Variants in CMTM8 observed in about 807,000 individuals in gnomAD.
CMTM8 encodes the protein CKLF like MARVEL transmembrane domain containing 8.
A neutral mutation model predicts 18.6 loss-of-function variants in CMTM8; 12 were observed. That is an observed-to-expected ratio of 0.65 (90% CI 0.41 to 1.05). CMTM8 has a LOEUF of 1.05. Among genes scored for constraint, CMTM8 ranks in the 50% least tolerant of loss-of-function variants. The probability of loss-of-function intolerance (pLI) is 0.00; values close to 1 mark genes in which losing one functional copy is unlikely to be tolerated. For synonymous variants in CMTM8, 87 were observed against 90.6 expected (o/e 0.96, Z 0.23); for missense variants, 217 against 227.2 (o/e 0.95, Z 0.29).
In CMTM8 at chr3:32,357,922, C is replaced by T. The variant is rs139357517; in HGVS notation, c.321+376C>T. 2.6e-3 allele frequency among the ~76,000 whole-genome samples: 392 copies of T among 152,324 alleles called. 9 individuals carry two copies. The highest frequency in any genetic ancestry group is 0.018 in the Admixed American group (272 of 15,306). On this transcript the variant is annotated intron_variant, in intron 2 of 3. Transcript: ENST00000307526. ...TGCAGATCGTGCTTCCTATAAACCT[C>T]TCCTGGGGCTGTGGCCTTAACCCTT... is the stretch of plus-strand genomic sequence containing the variant.
chr3:32,369,194 A>G (rs182431668), intron 3 of CMTM8, among the ~76,000 whole-genome samples: 12 of 152,126 alleles, frequency 7.9e-5, no homozygotes, highest in South Asian at 6.2e-4. Flanking sequence ...GGCACCTGTA[A>G]TCCCAGCTAC....
intron 1 of CMTM8, among the ~76,000 whole-genome samples, chr3:32,256,310 G>A (rs1474187750): frequency 6.6e-6 from 1 of 151,976 alleles, no homozygotes; most frequent in Admixed American, 6.6e-5. Context: ...GCTCAAGGAA[G>A]CCTTCTGCCT....
Position 32,370,000 on chromosome 3 carries a change from A to AG in CMTM8, c.*35dup, listed in dbSNP as rs1189040312. On this transcript the variant is annotated 3_prime_UTR_variant, in exon 4 of 4. Coordinates refer to ENST00000307526, the MANE Select transcript of CMTM8 (RefSeq NM_178868.5). ...TTTTGATAATTAAAAGGAAAAAAAAAGGAAGACTCTCACTGTAAAAACAGC... is the reference window on the plus strand; with the variant it reads ...TTTTGATAATTAAAAGGAAAAAAAAAGGGAAGACTCTCACTGTAAAAACAGC... 1.5e-6 allele frequency: 2 copies of AG among 1,316,298 alleles called. No homozygotes were observed. Among genetic ancestry groups the AG allele is most frequent in the African/African-American group, 2.9e-5 (2 of 69,266 alleles). 81.5% of individuals were successfully genotyped at this position (1,316,298 alleles called of 1,614,324 possible). A position where few individuals can be genotyped will look rare whatever the true frequency, so the allele number is the denominator to read the frequency against.
rs58156524 is a variant in CMTM8, at chr3:32,249,030, C to CTTTTTTTT, written c.147+9932_147+9939dup. 4.3e-4 allele frequency among the ~76,000 whole-genome samples: 27 copies of CTTTTTTTT among 62,456 alleles called. 2 individuals carry two copies. Among genetic ancestry groups the CTTTTTTTT allele is most frequent in the African/African-American group, 7.5e-4 (11 of 14,620 alleles). 41.0% of individuals were successfully genotyped at this position (62,456 alleles called of 152,430 possible). A position where few individuals can be genotyped will look rare whatever the true frequency, so the allele number is the denominator to read the frequency against. On this transcript the variant is annotated intron_variant, in intron 1 of 3. Coordinates refer to ENST00000307526, the MANE Select transcript of CMTM8 (RefSeq NM_178868.5). ...ATGGAGTTACTGGGTAATGTGGAAT[C>CTTTTTTTT]TTTTTTTTTTTTTTTTTTTTTTTTT...
chr3:32,251,549 A>T (rs1269937350), intron 1 of CMTM8, among the ~76,000 whole-genome samples: 1 of 151,938 alleles, frequency 6.6e-6, no homozygotes, highest in East Asian at 1.9e-4. Context: ...CCTGGGCTCA[A>T]GCAGTCCACC....
At chr3:32,283,189 A>G (rs942365521) in intron 1 of CMTM8, among the ~76,000 whole-genome samples, 7 of 152,226 alleles carry the variant, frequency 4.6e-5, no homozygotes, top group African/African-American at 1.7e-4. Context: ...GGGGAGCATG[A>G]TAATGAAAAA....
At chr3:32,333,154 G>A (rs1409747034) in intron 1 of CMTM8, among the ~76,000 whole-genome samples, 1 of 152,224 alleles carries the variant, frequency 6.6e-6, no homozygotes, top group Non-Finnish European at 1.5e-5. Flanking sequence ...ATGCAAATGA[G>A]TGAGCATGGC....
intron 1 of CMTM8, among the ~76,000 whole-genome samples, chr3:32,296,916 A>G (rs1010381520): frequency 5.9e-5 from 9 of 151,986 alleles, no homozygotes; most frequent in African/African-American, 1.9e-4. Context: ...GCCGTCCACC[A>G]TGACCTCCAC....
At chr3:32,256,477 A>G (rs1702175693) in intron 1 of CMTM8, among the ~76,000 whole-genome samples, 1 of 152,100 alleles carries the variant, frequency 6.6e-6, no homozygotes. Context: ...GCATTCCCAC[A>G]GACTTCGTTA....
intron 1 of CMTM8, among the ~76,000 whole-genome samples, chr3:32,289,202 G>T (rs1200367630): frequency 6.6e-6 from 1 of 152,174 alleles, no homozygotes; most frequent in East Asian, 1.9e-4. Flanking sequence ...AACGATAACG[G>T]ATCTAATTTT....
At chr3:32,345,984 G>A (rs144141216) in intron 1 of CMTM8, among the ~76,000 whole-genome samples, 7,940 of 152,138 alleles carry the variant, frequency 0.052, 271 homozygotes, top group East Asian at 0.14. Flanking sequence ...GTGAAACTCC[G>A]TCTCTACTAA....
At chr3:32,331,147 C>T (rs191863107) in intron 1 of CMTM8, among the ~76,000 whole-genome samples, 102 of 152,166 alleles carry the variant, frequency 6.7e-4, no homozygotes, top group African/African-American at 2.2e-3. Flanking sequence ...AATGTAAAAA[C>T]GGGGAAAGGA....
At chr3:32,263,229 A>T (rs11710859) in intron 1 of CMTM8, among the ~76,000 whole-genome samples, 1 of 152,168 alleles carries the variant, frequency 6.6e-6, no homozygotes, top group South Asian at 2.1e-4. Context: ...CACCTCACAC[A>T]GCTGGGTACC....
chr3:32,239,110 G>T lies in CMTM8; in HGVS notation c.138G>T (p.Val46=), dbSNP rs770693200. The T allele has an allele frequency of 6.3e-7, 1 of 1,598,978 alleles. No homozygotes were observed. The highest frequency in any genetic ancestry group is 8.5e-7 in the Non-Finnish European group (1 of 1,173,538). ...GCACCCTGCCCGGCTTCCTCATCGT[G>T]GCCGAGATCGTGAGTGCCGACGGGC... ...FLRTLPGFLI[V]AEIVLGLLVW... is the part of the protein sequence containing the mutation. The change falls in exon 1 of 4, where the codon GTG becomes GTT. Residue 46 remains valine, a synonymous_variant. Transcript: ENST00000307526.
intron 1 of CMTM8, among the ~76,000 whole-genome samples, chr3:32,334,522 T>C (rs1264411676): frequency 6.6e-6 from 1 of 151,068 alleles, no homozygotes; most frequent in African/African-American, 2.4e-5. Context: ...AAGAGAATGG[T>C]GTGAACCCAG....
intron 1 of CMTM8, among the ~76,000 whole-genome samples, chr3:32,297,563 C>T (rs1472065213): frequency 6.6e-6 from 1 of 151,960 alleles, no homozygotes; most frequent in Non-Finnish European, 1.5e-5. Flanking sequence ...ACAGTGGTAA[C>T]CTTGCACAGA....
At chr3:32,253,639 C>A (rs1344308290) in intron 1 of CMTM8, among the ~76,000 whole-genome samples, 2 of 152,212 alleles carry the variant, frequency 1.3e-5, no homozygotes, top group East Asian at 3.9e-4. Context: ...AGGCGTGAGC[C>A]ACCATGCCTG....
At position 32,357,513 on chromosome 3, in the gene CMTM8, C is replaced by T; in HGVS notation, c.288C>T (p.Tyr96=). 6.2e-7 allele frequency: 1 copy of T among 1,614,136 alleles called. No homozygotes were observed. Among genetic ancestry groups the T allele is most frequent in the Non-Finnish European group, 8.5e-7 (1 of 1,180,006 alleles). ...FFLIIYITMT[Y]TRIPQVPWTT... The stretch of plus-strand genomic sequence containing the variant: ...TCATTATCTACATAACAATGACCTA[C>T]ACCAGGATTCCCCAGGTGCCCTGGA... Residue 96 remains tyrosine, a synonymous_variant, in exon 2 of 4, where the codon TAC becomes TAT. Transcript: ENST00000307526.
At chr3:32,260,936 T>A (rs897845572) in intron 1 of CMTM8, among the ~76,000 whole-genome samples, 1 of 152,168 alleles carries the variant, frequency 6.6e-6, no homozygotes, top group Non-Finnish European at 1.5e-5. Context: ...TAAAATGCTA[T>A]GAAGGTTGGA....
Sources: gnomAD v4.1 joint callset for allele counts (sites outside exome capture counted in the v4.1 genomes callset) on GRCh38, gnomAD v4.1.1 for gene constraint, MANE v1.5 for transcripts, NCBI Gene and HGNC (gene_info 2026-07-23, HGNC 2026-07-21) for gene names.